Variants in TMEM108 observed in about 807,000 individuals in gnomAD.
The protein encoded by TMEM108 is cancer/testis antigen 124.
In TMEM108, 12 loss-of-function variants were observed where a neutral mutation model predicts 35.1. That is an observed-to-expected ratio of 0.34 (90% CI 0.22 to 0.55). TMEM108 has a LOEUF of 0.55. Among genes scored for constraint, TMEM108 ranks in the 20% least tolerant of loss-of-function variants. TMEM108 has a pLI of 0.89. For synonymous variants in TMEM108, 287 were observed against 308.6 expected, an observed-to-expected ratio of 0.93 and a Z score of 0.73; for missense variants, 680 against 753.3, an observed-to-expected ratio of 0.90 and a Z score of 1.14.
intron 2 of TMEM108, among the ~76,000 whole-genome samples, chr3:133,185,006 T>C (rs1305177910): frequency 2.6e-5 from 4 of 152,212 alleles, no homozygotes; most frequent in South Asian, 2.1e-4. Flanking sequence ...CCATAAATTA[T>C]ATAGCTAATT....
intron 3 of TMEM108, among the ~76,000 whole-genome samples, chr3:133,331,233 A>T (rs2071389719): frequency 1.3e-5 from 2 of 152,232 alleles, no homozygotes; most frequent in South Asian, 4.1e-4. Context: ...TACTAAAGGG[A>T]ATATACTGAC....
intron 3 of TMEM108, among the ~76,000 whole-genome samples, chr3:133,282,140 G>C (rs986122749): frequency 1.3e-5 from 2 of 152,208 alleles, no homozygotes; most frequent in African/African-American, 4.8e-5. Flanking sequence ...CTGGGCGACA[G>C]AGCGAGACTC....
At chr3:133,050,316 C>G (rs4854682) in intron 2 of TMEM108, among the ~76,000 whole-genome samples, 55,960 of 151,824 alleles carry the variant, frequency 0.37, 10,881 homozygotes, top group Admixed American at 0.45. Context: ...CTTTCTTTCT[C>G]TCTTTAAAAA....
At chr3:133,173,904 G>A (rs1945168598) in intron 2 of TMEM108, among the ~76,000 whole-genome samples, 1 of 152,244 alleles carries the variant, frequency 6.6e-6, no homozygotes, top group Admixed American at 6.5e-5. Flanking sequence ...GGAAGCACAA[G>A]GGGTTAGGGA....
intron 2 of TMEM108, among the ~76,000 whole-genome samples, chr3:133,224,710 A>G (rs1946042995): frequency 6.6e-6 from 1 of 152,158 alleles, no homozygotes; most frequent in African/African-American, 2.4e-5. Flanking sequence ...GTGGAACGTG[A>G]GTCCATTAAA....
intron 2 of TMEM108, among the ~76,000 whole-genome samples, chr3:133,111,514 T>C (rs987213791): frequency 2.0e-5 from 3 of 152,158 alleles, no homozygotes; most frequent in Admixed American, 6.6e-5. Context: ...TGGAGGCCCA[T>C]TTTCCAACAG....
At chr3:133,049,895 C>G (rs944097797) in intron 2 of TMEM108, among the ~76,000 whole-genome samples, 50 of 152,146 alleles carry the variant, frequency 3.3e-4, no homozygotes, top group Non-Finnish European at 1.6e-4. Flanking sequence ...GGTATTAATA[C>G]TCAGACTTCA....
intron 2 of TMEM108, among the ~76,000 whole-genome samples, chr3:133,082,528 T>C (rs1174232231): frequency 6.6e-6 from 1 of 152,220 alleles, no homozygotes; most frequent in African/African-American, 2.4e-5. Flanking sequence ...ACGCTTCTGG[T>C]TGACTCCTTT....
intron 2 of TMEM108, among the ~76,000 whole-genome samples, chr3:133,081,703 A>T (rs1943813455): frequency 6.6e-6 from 1 of 152,238 alleles, no homozygotes. Context: ...TCCAGGAAGC[A>T]GACACCAACA....
chr3:133,121,586 C>T (rs1259800561), intron 2 of TMEM108, among the ~76,000 whole-genome samples: 1 of 152,174 alleles, frequency 6.6e-6, no homozygotes, highest in Non-Finnish European at 1.5e-5. Context: ...TGAAGGTGCT[C>T]ATGGAAGCAT....
chr3:133,118,830 G>A (rs992870605), intron 2 of TMEM108, among the ~76,000 whole-genome samples: 3 of 152,112 alleles, frequency 2.0e-5, no homozygotes, highest in Admixed American at 6.5e-5. Context: ...GTAAAAAGAC[G>A]TAAGATTATT....
chr3:133,388,644 T>C (rs116555807), intron 4 of TMEM108: 43,357 of 985,420 alleles, frequency 0.044, 1,029 homozygotes, highest in Non-Finnish European at 0.048. Flanking sequence ...AGAAGTCTTT[T>C]TGATCAAAGC....
intron 2 of TMEM108, among the ~76,000 whole-genome samples, chr3:133,074,953 G>A (rs1943722604): frequency 6.6e-6 from 1 of 151,986 alleles, no homozygotes; most frequent in Non-Finnish European, 1.5e-5. Flanking sequence ...ATCTTTTTGA[G>A]TATATTATAA....
chr3:133,340,432 A>G (rs2071626353), intron 3 of TMEM108, among the ~76,000 whole-genome samples: 1 of 151,700 alleles, frequency 6.6e-6, no homozygotes, highest in African/African-American at 2.4e-5. Flanking sequence ...ACAAGAGCAA[A>G]CCTTTAGTAA....
In TMEM108 at chr3:133,346,577, C is replaced by T. The variant is rs2071822942; in HGVS notation, c.41-33175C>T. 6.6e-6 allele frequency among the ~76,000 whole-genome samples: 1 copy of T among 151,904 alleles called. No individual in the cohort carries two copies. Among genetic ancestry groups the T allele is most frequent in the Non-Finnish European group, 1.5e-5 (1 of 67,892 alleles). On this transcript the variant is annotated intron_variant, in intron 3 of 5. Transcript: ENST00000321871. The surrounding 1 kb of genome is among the most constrained non-coding windows in gnomAD (Gnocchi z 4.0). Reference sequence around the variant, plus strand: ...ATTCAAGTCCTTTATTGAATGTATGCAATTATTTTCTTCCAGTCGATGGCT... The same window carrying T: ...ATTCAAGTCCTTTATTGAATGTATGTAATTATTTTCTTCCAGTCGATGGCT...
intron 2 of TMEM108, among the ~76,000 whole-genome samples, chr3:133,155,745 G>C (rs1041729325): frequency 7.2e-5 from 11 of 152,098 alleles, no homozygotes; most frequent in Admixed American, 5.2e-4. Flanking sequence ...CTGGATATTA[G>C]ACCTTTGTCA....
chr3:133,265,885 T>C (rs1946690187), intron 3 of TMEM108, among the ~76,000 whole-genome samples: 12 of 152,196 alleles, frequency 7.9e-5, no homozygotes. Context: ...TCCTATACTT[T>C]TTTGTTTTTA....
At chr3:133,198,071 G>A (rs1945605722) in intron 2 of TMEM108, among the ~76,000 whole-genome samples, 1 of 152,172 alleles carries the variant, frequency 6.6e-6, no homozygotes, top group Admixed American at 6.5e-5. Context: ...CAGGCGTCAT[G>A]CCCCTGAGGT....
chr3:133,191,071 A>C (rs1390262868), intron 2 of TMEM108, among the ~76,000 whole-genome samples: 1 of 152,194 alleles, frequency 6.6e-6, no homozygotes, highest in East Asian at 1.9e-4. Context: ...ATGATTAAAA[A>C]CATTAAATCA....
Sources: gnomAD v4.1 joint callset for allele counts (sites outside exome capture counted in the v4.1 genomes callset) on GRCh38, gnomAD v4.1.1 for gene constraint, Gnocchi (gnomAD v3.1) non-coding constraint, MANE v1.5 for transcripts, NCBI Gene and HGNC (gene_info 2026-07-23, HGNC 2026-07-21) for gene names.